The following SIRPG variants were observed in gnomAD, a reference collection of about 807,000 sequenced individuals.
SIRPG encodes the protein signal regulatory protein gamma, also known as signal-regulatory protein gamma.
Under a neutral mutation model 35.7 loss-of-function variants are expected in SIRPG, and 38 were observed. The observed-to-expected ratio is 1.06, with a 90% CI of 0.82 to 1.40. SIRPG has a LOEUF of 1.40. SIRPG is among the 40% of genes most tolerant of loss of function. The probability of loss-of-function intolerance (pLI) is 0.00; values close to 1 mark genes in which losing one functional copy is unlikely to be tolerated. For synonymous variants in SIRPG, 215 were observed against 190.4 expected, an observed-to-expected ratio of 1.13 and a Z score of -1.06; for missense variants, 519 against 483.0, an observed-to-expected ratio of 1.07 and a Z score of -0.70.
At chr20:1,632,261 G>A (rs1435495213) in intron 4 of SIRPG, among the ~76,000 whole-genome samples, 1 of 152,130 alleles carries the variant, frequency 6.6e-6, no homozygotes, top group Non-Finnish European at 1.5e-5. Flanking sequence ...AACAAAGTAA[G>A]TTCTGCACAA....
chr20:1,670,019 T>C, the SIRPG span: 2 of 255,570 alleles, frequency 7.8e-6, no homozygotes, highest in Admixed American at 3.9e-5. Context: ...GGTGAGCACA[T>C]CATCCCTGTG....
At chr20:1,678,932 A>G in the SIRPG span, among the ~76,000 whole-genome samples, 1 of 152,240 alleles carries the variant, frequency 6.6e-6, no homozygotes, top group Non-Finnish European at 1.5e-5. Flanking sequence ...GAGGAATGAT[A>G]TGTTTAAAAT....
At chr20:1,681,216 T>C in the SIRPG span, among the ~76,000 whole-genome samples, 3 of 152,172 alleles carry the variant, frequency 2.0e-5, no homozygotes, top group Admixed American at 2.0e-4. Flanking sequence ...ACACATCCTC[T>C]TCCTCATACC....
At chr20:1,674,347 C>T in the SIRPG span, among the ~76,000 whole-genome samples, 4 of 152,122 alleles carry the variant, frequency 2.6e-5, no homozygotes, top group African/African-American at 4.8e-5. Context: ...CTCATAGCTT[C>T]GACATCACAC....
At chr20:1,655,753 G>A (rs1319233007) in intron 1 of SIRPG, among the ~76,000 whole-genome samples, 1 of 151,982 alleles carries the variant, frequency 6.6e-6, no homozygotes, top group Non-Finnish European at 1.5e-5. Context: ...CACAATGTAT[G>A]CATATTTCTT....
the SIRPG span, among the ~76,000 whole-genome samples, chr20:1,681,392 T>A: frequency 4.6e-5 from 7 of 152,352 alleles, no homozygotes; most frequent in Admixed American, 3.9e-4. Flanking sequence ...GACCTTGGAA[T>A]GCTTTGTGCT....
chr20:1,681,938 T>C, the SIRPG span, among the ~76,000 whole-genome samples: 1 of 141,166 alleles, frequency 7.1e-6, no homozygotes, highest in Non-Finnish European at 1.6e-5. Context: ...GGTATGACTA[T>C]GGATATGGAT....
the SIRPG span, among the ~76,000 whole-genome samples, chr20:1,677,678 A>T: frequency 6.6e-6 from 1 of 152,246 alleles, no homozygotes; most frequent in Non-Finnish European, 1.5e-5. Flanking sequence ...TCTGGAATTC[A>T]GAAGCCCAAA....
upstream of SIRPG, among the ~76,000 whole-genome samples, chr20:1,657,991 G>A (rs2091985326): frequency 6.6e-6 from 1 of 152,118 alleles, no homozygotes; most frequent in Admixed American, 6.5e-5. Context: ...CTCCCTCCTC[G>A]TGTCCCCAAA....
chr20:1,668,203 C>CTTTTCTTTTCT, the SIRPG span, among the ~76,000 whole-genome samples: 12 of 25,004 alleles, frequency 4.8e-4, no homozygotes, highest in African/African-American at 1.4e-3. Context: ...CTTTTCTTTT[C>CTTTTCTTTTCT]TTTCTTTCTT....
intron 2 of SIRPG, among the ~76,000 whole-genome samples, chr20:1,643,706 A>G (rs1176529242): frequency 6.6e-6 from 1 of 152,128 alleles, no homozygotes; most frequent in African/African-American, 2.4e-5. Flanking sequence ...ATCTTCATGA[A>G]TATGTCTAGT....
chr20:1,664,731 T>G, the SIRPG span, among the ~76,000 whole-genome samples: 1 of 152,148 alleles, frequency 6.6e-6, no homozygotes, highest in African/African-American at 2.4e-5. Flanking sequence ...CCTGTTATGT[T>G]CCCGGTGCTG....
chr20:1,649,068 A>C lies in SIRPG; in HGVS notation c.414T>G (p.Thr138=), dbSNP rs758756620. 5.6e-6 allele frequency: 9 copies of C among 1,613,756 alleles called. No individual in the cohort carries two copies. Among genetic ancestry groups the C allele is most frequent in the Non-Finnish European group, 7.6e-6 (9 of 1,179,710 alleles). Residue 138 remains threonine (T), a synonymous_variant, in exon 2 of 6, where the codon ACT becomes ACG. Coordinates refer to ENST00000303415, the MANE Select transcript of SIRPG (RefSeq NM_018556.4). ...ENVEFKSGPG[T]EMALGAKPSA... ...TGTACTCACCACCCAAAGCCATCTC[A>C]GTGCCTGGTCCAGACTTAAACTCCA...
intron 1 of SIRPG, among the ~76,000 whole-genome samples, chr20:1,650,958 A>G (rs543833523): frequency 9.6e-4 from 147 of 152,334 alleles, no homozygotes; most frequent in African/African-American, 3.5e-3. Context: ...GAGGGATGAT[A>G]TGTTCAAAAT....
At chr20:1,631,346 G>A (rs539014643) in intron 4 of SIRPG, among the ~76,000 whole-genome samples, 3 of 152,012 alleles carry the variant, frequency 2.0e-5, no homozygotes, top group Non-Finnish European at 4.4e-5. Context: ...CTCCTTCTAG[G>A]GGACAGCCCA....
At chr20:1,671,988 G>A in the SIRPG span, among the ~76,000 whole-genome samples, 2 of 152,170 alleles carry the variant, frequency 1.3e-5, no homozygotes, top group African/African-American at 2.4e-5. Context: ...CAGTTTTGGG[G>A]CCAGTTTATG....
At chr20:1,645,420 CAA>C (rs757098270) in intron 2 of SIRPG, among the ~76,000 whole-genome samples, 7 of 152,224 alleles carry the variant, frequency 4.6e-5, no homozygotes, top group Non-Finnish European at 7.4e-5. Context: ...ACATTTTTGT[CAA>C]AGTTTCCCAG....
the SIRPG span, among the ~76,000 whole-genome samples, chr20:1,666,045 C>A: frequency 6.6e-6 from 1 of 151,490 alleles, no homozygotes; most frequent in African/African-American, 2.4e-5. Context: ...TGGAAGACAG[C>A]ACTATTGCTG....
the SIRPG span, among the ~76,000 whole-genome samples, chr20:1,682,016 C>A: frequency 2.0e-5 from 3 of 152,134 alleles, no homozygotes; most frequent in Non-Finnish European, 4.4e-5. Flanking sequence ...GTTTCTGCAA[C>A]TTTATCCACT....
Sources: allele counts gnomAD v4.1 joint callset (sites outside exome capture counted in the v4.1 genomes callset), GRCh38; gene constraint gnomAD v4.1.1; transcripts MANE v1.5; gene names NCBI Gene and HGNC (gene_info 2026-07-23, HGNC 2026-07-21).